Variants in ASTN2 observed in about 807,000 individuals in gnomAD.
ASTN2 encodes astrotactin 2.
ASTN2 carries 54 observed loss-of-function variants against 139.8 expected under a neutral mutation model. That is an observed-to-expected ratio of 0.39 (90% CI 0.31 to 0.48). The LOEUF is 0.48. ASTN2 is among the 20% of genes least tolerant of loss of function. The pLI, the probability that ASTN2 is intolerant of heterozygous loss-of-function variation, is 0.95. For synonymous variants in ASTN2, 756 were observed against 719.5 expected, an observed-to-expected ratio of 1.05 and a Z score of -0.81; for missense variants, 1,565 against 1,725.1, an observed-to-expected ratio of 0.91 and a Z score of 1.64.
At chr9:117,211,255 A>C (rs193231644) in intron 3 of ASTN2, among the ~76,000 whole-genome samples, 20 of 148,524 alleles carry the variant, frequency 1.3e-4, no homozygotes, top group Non-Finnish European at 2.6e-4. Flanking sequence ...TTATTCCCAG[A>C]AAAACCTAAA....
At chr9:116,980,861 C>T (rs547493578) in intron 7 of ASTN2, among the ~76,000 whole-genome samples, 1 of 152,268 alleles carries the variant, frequency 6.6e-6, no homozygotes, top group East Asian at 1.9e-4. Context: ...TTAACCTCTT[C>T]CCTGGGTGAC....
chr9:116,832,886 G>T (rs1831859204), intron 11 of ASTN2, among the ~76,000 whole-genome samples: 1 of 151,752 alleles, frequency 6.6e-6, no homozygotes, highest in African/African-American at 2.4e-5. Context: ...GTCTTAAAAT[G>T]ATTTGGGAAG....
chr9:117,055,623 G>A (rs1462620109), intron 5 of ASTN2, among the ~76,000 whole-genome samples: 1 of 152,220 alleles, frequency 6.6e-6, no homozygotes. Flanking sequence ...TACACGAGAG[G>A]AGGCTGAAGA....
At chr9:116,980,398 AAAAAG>A (rs1346858084) in intron 7 of ASTN2, among the ~76,000 whole-genome samples, 5 of 152,144 alleles carry the variant, frequency 3.3e-5, no homozygotes, top group Non-Finnish European at 5.9e-5. Context: ...ATTAAAAAAA[AAAAAG>A]AAAAGTGTTT....
intron 1 of ASTN2, among the ~76,000 whole-genome samples, chr9:117,308,840 G>C (rs570421793): frequency 1.3e-5 from 2 of 152,128 alleles, no homozygotes; most frequent in Non-Finnish European, 2.9e-5. Flanking sequence ...CTGGCAGTGA[G>C]GGGACAGAAC....
chr9:117,141,466 G>T lies in ASTN2; in HGVS notation c.1028C>A (p.Ala343Glu), dbSNP rs117087850. Residue 343 changes from alanine to glutamate, a missense_variant, in exon 4 of 23, where the codon GCG becomes GAG. By Grantham distance (107) the Ala-to-Glu change is moderately radical. This residue lies in a region of ASTN2 where 596 missense variants were observed against 576.8 expected (regional missense o/e 1.03). Transcript: ENST00000313400. ...VDFEKKAAAE[A>E]TQETVESLMQ... ...CAGGGACTCCACTGTCTCCTGAGTC[G>T]CCTCAGCTGCTGCTATAAGGTAGCA... 3.4e-5 allele frequency: 46 copies of T among 1,366,884 alleles called. No individual in the cohort carries two copies. Among genetic ancestry groups the T allele is most frequent in the African/African-American group, 3.0e-4 (20 of 67,742 alleles). 84.7% of individuals were successfully genotyped at this position (1,366,884 alleles called of 1,614,324 possible). A position where few individuals can be genotyped will look rare whatever the true frequency, so the allele number is the denominator to read the frequency against.
intron 10 of ASTN2, among the ~76,000 whole-genome samples, chr9:116,880,281 A>G (rs1272268008): frequency 6.6e-6 from 1 of 152,212 alleles, no homozygotes; most frequent in Non-Finnish European, 1.5e-5. Flanking sequence ...AAATTTCATG[A>G]AACTCCAGCA....
intron 10 of ASTN2, among the ~76,000 whole-genome samples, chr9:116,936,951 TAGGGCCTTGA>T (rs1196570249): frequency 1.3e-5 from 2 of 152,188 alleles, no homozygotes; most frequent in Non-Finnish European, 2.9e-5. Flanking sequence ...CATAGGACTC[TAGGGCCTTGA>T]ATATAAGAGG....
intron 17 of ASTN2, among the ~76,000 whole-genome samples, chr9:116,623,158 TGTGTGTGTG>T: frequency 3.5e-5 from 1 of 28,352 alleles, no homozygotes; most frequent in South Asian, 6.5e-4. Context: ...TGTGTGTGTG[TGTGTGTGTG>T]TGTGTGTGTG....
At chr9:117,255,244 A>G (rs1205561974) in intron 2 of ASTN2, among the ~76,000 whole-genome samples, 3 of 152,204 alleles carry the variant, frequency 2.0e-5, no homozygotes, top group Non-Finnish European at 4.4e-5. Flanking sequence ...TTTGTAATGC[A>G]TTCTGTATAT....
intron 13 of ASTN2, among the ~76,000 whole-genome samples, chr9:116,745,282 G>A (rs1248697298): frequency 6.6e-6 from 1 of 152,154 alleles, no homozygotes; most frequent in Non-Finnish European, 1.5e-5. Context: ...CATTCTCAAG[G>A]GTTAGGCAGA....
At chr9:117,004,985 C>T (rs1207204351) in intron 7 of ASTN2, among the ~76,000 whole-genome samples, 2 of 151,288 alleles carry the variant, frequency 1.3e-5, no homozygotes, top group Non-Finnish European at 2.9e-5. Context: ...GATAGTGTCT[C>T]ATGGGTTTAA....
At chr9:117,023,605 T>A (rs1837959908) in intron 6 of ASTN2, among the ~76,000 whole-genome samples, 1 of 152,144 alleles carries the variant, frequency 6.6e-6, no homozygotes, top group South Asian at 2.1e-4. Context: ...AATGAAAGCA[T>A]GCTGCAGGCA....
At chr9:117,191,777 C>A (rs528559668) in intron 3 of ASTN2, among the ~76,000 whole-genome samples, 1 of 152,260 alleles carries the variant, frequency 6.6e-6, no homozygotes, top group Non-Finnish European at 1.5e-5. Flanking sequence ...CGCTTCAGCC[C>A]CTGACATTTA....
intron 6 of ASTN2, among the ~76,000 whole-genome samples, chr9:117,033,607 A>T (rs183190183): frequency 1.0e-3 from 159 of 152,202 alleles, no homozygotes; most frequent in Non-Finnish European, 1.5e-3. Context: ...TTACCCATAT[A>T]TCTGTCTAGT....
rs532696937 is a variant in ASTN2, at chr9:117,334,011, G to T, written c.443-42498C>A. Among the ~76,000 whole-genome samples the T allele has an allele frequency of 3.4e-4, 51 of 152,234 alleles. 1 individual carries two copies. The South Asian group carries it at 9.5e-3, about 28-fold the overall frequency. On this transcript the variant is annotated intron_variant, in intron 1 of 22. Transcript: ENST00000313400. ...CTTCCAAACCATGCTGCATACCAGA[G>T]GTCAACAAACTTTTCTTTGTAAAGA...
In ASTN2 at chr9:117,214,460, C is replaced by G. The variant is rs1832243240; in HGVS notation, c.913G>C (p.Ala305Pro). ...TCGTCCTCGCGGGAGACATGGTTGG[C>G]CCGCCTAGGTGGCTCCTCATCCTCC... ...CEEDEEPPRRANHVSREDEFG... is the reference protein window; with the variant it reads ...CEEDEEPPRRPNHVSREDEFG... The change falls in exon 3 of 23, where the codon GCC becomes CCC. Residue 305 changes from alanine (A) to proline (P), a missense_variant. Physicochemically the swap from Ala to Pro is conservative, Grantham distance 27. Transcript: ENST00000313400. 3 of 1,614,028 alleles carry G rather than the reference C, an allele frequency of 1.9e-6. No individual in the cohort carries two copies. Among genetic ancestry groups the G allele is most frequent in the Non-Finnish European group, 2.5e-6 (3 of 1,180,024 alleles).
intron 3 of ASTN2, among the ~76,000 whole-genome samples, chr9:117,194,474 C>T (rs1286265514): frequency 2.0e-5 from 3 of 152,140 alleles, no homozygotes; most frequent in Non-Finnish European, 2.9e-5. Context: ...GAACATGGTC[C>T]CATGTAATGA....
chr9:116,864,058 A>G (rs536867885), intron 10 of ASTN2, among the ~76,000 whole-genome samples: 1 of 152,308 alleles, frequency 6.6e-6, no homozygotes, highest in South Asian at 2.1e-4. Flanking sequence ...GAAGGCCAGC[A>G]GCTTACAATG....
Sources: allele counts gnomAD v4.1 joint callset (sites outside exome capture counted in the v4.1 genomes callset), GRCh38; gene constraint gnomAD v4.1.1; regional missense constraint gnomAD v4.1.1; transcripts MANE v1.5; gene names NCBI Gene and HGNC (gene_info 2026-07-23, HGNC 2026-07-21).